Variants in CR1 observed in about 807,000 individuals in gnomAD.
The protein encoded by CR1 is complement receptor type 1.
In CR1, 116 loss-of-function variants were observed where a neutral mutation model predicts 187.3. The ratio of observed to expected loss-of-function variants is 0.62; its 90% CI spans 0.53 to 0.72. CR1 has a LOEUF of 0.72. Among genes scored for constraint, CR1 ranks in the 30% least tolerant of loss-of-function variants. The pLI, the probability that CR1 is intolerant of heterozygous loss-of-function variation, is 0.00. For missense variants in CR1, 1,731 were observed against 2,110.7 expected (o/e 0.82, Z 3.52); for synonymous variants, 576 against 747.1 (o/e 0.77, Z 3.73).
intron 1 of CR1, among the ~76,000 whole-genome samples, chr1:207,503,855 G>A (rs910928162): frequency 5.9e-5 from 9 of 152,192 alleles, no homozygotes; most frequent in Non-Finnish European, 1.0e-4. Context: ...TACCATTAGG[G>A]TCCGGTTTAG....
At chr1:207,524,114 C>A (rs535625314) in intron 5 of CR1, 105 bp downstream of exon 5, 3 of 1,597,450 alleles carry the variant, frequency 1.9e-6, no homozygotes, top group African/African-American at 1.4e-5. Context: ...TGAGCAGGGT[C>A]GAGGAGCAAA....
chr1:207,508,975 C>T (rs1015255127), intron 3 of CR1, among the ~76,000 whole-genome samples: 2 of 152,194 alleles, frequency 1.3e-5, no homozygotes, highest in Admixed American at 6.5e-5. Context: ...GAGTTGGTCT[C>T]TTCCAGGTGG....
At chr1:207,590,777 C>G (rs2102357800) in intron 35 of CR1, among the ~76,000 whole-genome samples, 1 of 152,260 alleles carries the variant, frequency 6.6e-6, no homozygotes, top group South Asian at 2.1e-4. Context: ...ATTTACCAAG[C>G]AAATGGAAAG....
At chr1:207,598,505 C>T (rs1050914614) in intron 35 of CR1, among the ~76,000 whole-genome samples, 7 of 151,846 alleles carry the variant, frequency 4.6e-5, no homozygotes, top group South Asian at 2.1e-4. Flanking sequence ...CTGCAACCTC[C>T]GCCTCCAGGG....
At chr1:207,620,177 A>G (rs1662274070) in intron 43 of CR1, 112 bp downstream of exon 43, 3 of 1,059,586 alleles carry the variant, frequency 2.8e-6, no homozygotes, top group Non-Finnish European at 4.0e-6. Flanking sequence ...GCTATGAGCT[A>G]TAGAGTACAA....
chr1:207,634,496 G>A (rs2102419111), intron 46 of CR1, among the ~76,000 whole-genome samples: 1 of 152,268 alleles, frequency 6.6e-6, no homozygotes, highest in Admixed American at 6.5e-5. Flanking sequence ...AGGCTCCAAA[G>A]ACATAGCTGT....
At chr1:207,577,269 A>C (rs662797) in intron 28 of CR1, among the ~76,000 whole-genome samples, 10,720 of 151,872 alleles carry the variant, frequency 0.071, 1,272 homozygotes, top group African/African-American at 0.24. Context: ...AACAAACAAA[A>C]AAAAAACACA....
At chr1:207,623,917 T>A (rs1483338323) in intron 45 of CR1, among the ~76,000 whole-genome samples, 1 of 77,698 alleles carries the variant, frequency 1.3e-5, no homozygotes, top group Non-Finnish European at 2.4e-5. Flanking sequence ...TTAACTTTTT[T>A]TTTTTTTTTT....
In CR1 at chr1:207,639,509, G is replaced by A; in HGVS notation, c.*100G>A. ...CAGATCTGAGCTTCATAAAGTCTTT[G>A]AAGTGACTTCACAGAGACGCAGACA... On this transcript the variant is annotated 3_prime_UTR_variant, in exon 47 of 47. Transcript: ENST00000367049. The A allele has an allele frequency of 8.3e-7, 1 of 1,210,156 alleles. No individual in the cohort carries two copies. Among genetic ancestry groups the A allele is most frequent in the Non-Finnish European group, 1.2e-6 (1 of 844,054 alleles). The allele number at this position is 1,210,156 out of a possible 1,614,324, so 75.0% of individuals were successfully genotyped here.
intron 43 of CR1, among the ~76,000 whole-genome samples, chr1:207,620,600 A>T (rs1033927661): frequency 6.6e-6 from 1 of 152,186 alleles, no homozygotes; most frequent in Non-Finnish European, 1.5e-5. Context: ...TCTTAATCCA[A>T]GTTAGTGCTA....
chr1:207,497,169 G>A (rs1659114672), intron 1 of CR1, among the ~76,000 whole-genome samples: 1 of 152,220 alleles, frequency 6.6e-6, no homozygotes, highest in African/African-American at 2.4e-5. Context: ...CAATGTAACC[G>A]TTGCAGGTAG....
intron 33 of CR1, 137 bp downstream of exon 33, chr1:207,585,013 T>C (rs1235921314): frequency 7.4e-7 from 1 of 1,346,434 alleles, no homozygotes; most frequent in East Asian, 2.5e-5. Flanking sequence ...TTACATACCA[T>C]AGCTAAAACA....
intron 33 of CR1, among the ~76,000 whole-genome samples, chr1:207,585,538 C>G (rs1661088180): frequency 6.6e-6 from 1 of 152,170 alleles, no homozygotes; most frequent in Admixed American, 6.5e-5. Flanking sequence ...CCTGGTCCTT[C>G]AGGGCAAACA....
intron 35 of CR1, among the ~76,000 whole-genome samples, chr1:207,606,224 T>A (rs1661746256): frequency 6.6e-6 from 1 of 152,144 alleles, no homozygotes; most frequent in Admixed American, 6.5e-5. Context: ...GAAGGCCAAT[T>A]CCTTTAAAGA....
intron 4 of CR1, among the ~76,000 whole-genome samples, chr1:207,515,993 T>C (rs772673109): frequency 1.3e-5 from 2 of 152,160 alleles, no homozygotes; most frequent in Non-Finnish European, 2.9e-5. Context: ...GGCAGGAGGA[T>C]TGCTTGAAGC....
intron 35 of CR1, among the ~76,000 whole-genome samples, chr1:207,600,077 C>G (rs1044295796): frequency 2.0e-5 from 3 of 152,092 alleles, no homozygotes; most frequent in Admixed American, 6.6e-5. Flanking sequence ...CTCAGTTCTG[C>G]CATTGCAGTG....
chr1:207,573,106 A>G (rs1571543808), intron 27 of CR1, among the ~76,000 whole-genome samples: 1 of 152,006 alleles, frequency 6.6e-6, no homozygotes, highest in Admixed American at 6.6e-5. Context: ...AATTCAACCT[A>G]TAACAGAGCC....
intron 5 of CR1, among the ~76,000 whole-genome samples, chr1:207,524,246 T>A (rs559545391): frequency 1.3e-5 from 2 of 152,236 alleles, no homozygotes; most frequent in East Asian, 3.9e-4. Context: ...TATAAACAGA[T>A]CTATCAATTA....
chr1:207,506,638 A>G lies in CR1; in HGVS notation c.302-76A>G, dbSNP rs187291065. The G allele has an allele frequency of 2.1e-4, 242 of 1,165,362 alleles. 1 individual carries two copies. In the East Asian group the frequency reaches 5.3e-3, roughly 26 times the overall value. The allele number at this position is 1,165,362 out of a possible 1,614,324, so 72.2% of individuals were successfully genotyped here. ...GTGTGTTCCTCAGTAAGCTACAGGCAGGTTGAGACCTTATGTACTAAAAAA... is the reference window on the plus strand; with the variant it reads ...GTGTGTTCCTCAGTAAGCTACAGGCGGGTTGAGACCTTATGTACTAAAAAA... On this transcript the variant is annotated intron_variant, in intron 2 of 46. Transcript: ENST00000367049.
Sources: gnomAD v4.1 joint callset for allele counts (sites outside exome capture counted in the v4.1 genomes callset) on GRCh38, gnomAD v4.1.1 for gene constraint, MANE v1.5 for transcripts, NCBI Gene and HGNC (gene_info 2026-07-23, HGNC 2026-07-21) for gene names.